Variants in CDH12 observed in about 807,000 individuals in gnomAD.
CDH12 encodes the protein cadherin-12.
CDH12 carries 41 observed loss-of-function variants against 74.1 expected under a neutral mutation model. The observed-to-expected ratio is 0.55, with a 90% confidence interval of 0.43 to 0.72. The LOEUF (loss-of-function observed/expected upper bound fraction) is 0.72, where lower values mean the gene tolerates loss of function less well. Among genes scored for constraint, CDH12 ranks in the 30% least tolerant of loss-of-function variants. The pLI is 0.00. For missense variants in CDH12, 945 were observed against 977.2 expected, an observed-to-expected ratio of 0.97 and a Z score of 0.44; for synonymous variants, 399 against 355.0, an observed-to-expected ratio of 1.12 and a Z score of -1.39.
chr5:22,156,165 T>C (rs1031387696), intron 4 of CDH12, among the ~76,000 whole-genome samples: 2 of 152,176 alleles, frequency 1.3e-5, no homozygotes, highest in African/African-American at 4.8e-5. Flanking sequence ...CTAGGAATTG[T>C]GCATGAGCAC....
At chr5:22,471,017 G>A (rs72744866) in intron 2 of CDH12, among the ~76,000 whole-genome samples, 10,894 of 152,126 alleles carry the variant, frequency 0.072, 484 homozygotes, top group South Asian at 0.13. Flanking sequence ...CTGGAATCCA[G>A]CTAGATTTCT....
At chr5:22,149,781 G>A (rs1747445072) in intron 4 of CDH12, among the ~76,000 whole-genome samples, 1 of 151,984 alleles carries the variant, frequency 6.6e-6, no homozygotes, top group Non-Finnish European at 1.5e-5. Flanking sequence ...TGGATCACAA[G>A]GTCAGGAGTT....
At chr5:22,409,895 T>C (rs1743106304) in intron 2 of CDH12, among the ~76,000 whole-genome samples, 2 of 152,134 alleles carry the variant, frequency 1.3e-5, no homozygotes, top group Non-Finnish European at 2.9e-5. Flanking sequence ...ATTAGTGTTA[T>C]TTATTTACAG....
chr5:22,120,580 G>C (rs1745451127), intron 4 of CDH12, among the ~76,000 whole-genome samples: 1 of 151,992 alleles, frequency 6.6e-6, no homozygotes, highest in Non-Finnish European at 1.5e-5. Context: ...TATTTAACTT[G>C]TTCTTTAATA....
chr5:22,264,593 G>A (rs1441234253), intron 3 of CDH12, among the ~76,000 whole-genome samples: 1 of 152,122 alleles, frequency 6.6e-6, no homozygotes, highest in Non-Finnish European at 1.5e-5. Flanking sequence ...AGGTTGTTGT[G>A]AGGAGATATG....
Position 22,758,992 on chromosome 5 carries a change from T to C in CDH12, c.-523+94066A>G, listed in dbSNP as rs554681295. Among the ~76,000 whole-genome samples, 8 of 152,344 alleles carry C rather than the reference T, an allele frequency of 5.3e-5. No homozygotes were observed. In the East Asian group the frequency reaches 1.5e-3, roughly 29 times the overall value. Reference sequence around the variant, plus strand: ...TTGCTCAAAGCAGATATTGTCTATTTTTTTTGTCTATTAAGAAAATAACAA... The same window carrying C: ...TTGCTCAAAGCAGATATTGTCTATTCTTTTTGTCTATTAAGAAAATAACAA... On this transcript the variant is annotated intron_variant, in intron 1 of 14. Transcript: ENST00000382254.
chr5:22,125,920 T>C (rs1230087539), intron 4 of CDH12, among the ~76,000 whole-genome samples: 1 of 151,308 alleles, frequency 6.6e-6, no homozygotes, highest in East Asian at 1.9e-4. Context: ...TTGTGAAATT[T>C]AAGGGGAAAA....
intron 9 of CDH12, among the ~76,000 whole-genome samples, chr5:21,804,909 GAT>G: frequency 6.6e-6 from 1 of 152,274 alleles, no homozygotes. Flanking sequence ...TGATGTGTAA[GAT>G]AGAAGCGTGC....
intron 10 of CDH12, among the ~76,000 whole-genome samples, chr5:21,799,188 A>T (rs546256841): frequency 2.0e-5 from 3 of 152,192 alleles, no homozygotes; most frequent in Non-Finnish European, 4.4e-5. Context: ...GTGGCAAAGA[A>T]GTTAGGTGGA....
At chr5:22,657,901 G>C (rs889578984) in intron 1 of CDH12, among the ~76,000 whole-genome samples, 1 of 152,162 alleles carries the variant, frequency 6.6e-6, no homozygotes, top group Non-Finnish European at 1.5e-5. Context: ...ATTTAAAAGA[G>C]AGGACATTGA....
chr5:22,598,597 A>C (rs1736710028), intron 1 of CDH12, among the ~76,000 whole-genome samples: 1 of 152,170 alleles, frequency 6.6e-6, no homozygotes, highest in African/African-American at 2.4e-5. Flanking sequence ...AAACTAATAC[A>C]CATATGTTGC....
chr5:21,751,947 A>C lies in CDH12; in HGVS notation c.2175T>G (p.Asp725Glu). 1 of 1,613,020 alleles carries C rather than the reference A, an allele frequency of 6.2e-7. No individual in the cohort carries two copies. Among genetic ancestry groups the C allele is most frequent in the Non-Finnish European group, 8.5e-7 (1 of 1,179,574 alleles). ...DFIHQRLQENDVDPTAPPYDS... is the reference protein window; with the variant it reads ...DFIHQRLQENEVDPTAPPYDS... Reference sequence around the variant, plus strand: ...CGTATGGTGGGGCAGTTGGATCCACATCATTTTCCTGTAGCCTTTGATGAA... The same window carrying C: ...CGTATGGTGGGGCAGTTGGATCCACCTCATTTTCCTGTAGCCTTTGATGAA... Residue 725 changes from aspartate (D) to glutamate (E), a missense_variant, in exon 15 of 15, where the codon GAT becomes GAG. Transcript: ENST00000382254.
At chr5:22,240,048 C>T (rs747840416) in intron 3 of CDH12, among the ~76,000 whole-genome samples, 41 of 152,144 alleles carry the variant, frequency 2.7e-4, no homozygotes, top group African/African-American at 9.2e-4. Flanking sequence ...AATTACTTCC[C>T]CTCATTTTAT....
chr5:22,581,514 C>A (rs116661801), intron 1 of CDH12, among the ~76,000 whole-genome samples: 1 of 152,244 alleles, frequency 6.6e-6, no homozygotes, highest in Non-Finnish European at 1.5e-5. Context: ...CTTTTCTGCA[C>A]TGGCAGGCTC....
chr5:21,979,092 T>G (rs1757195851), intron 5 of CDH12, among the ~76,000 whole-genome samples: 1 of 151,796 alleles, frequency 6.6e-6, no homozygotes, highest in Non-Finnish European at 1.5e-5. Flanking sequence ...ACAGCCTTTT[T>G]AATCTACACA....
intron 4 of CDH12, among the ~76,000 whole-genome samples, chr5:22,085,035 T>C (rs1417269633): frequency 6.6e-6 from 1 of 152,206 alleles, no homozygotes; most frequent in Non-Finnish European, 1.5e-5. Context: ...GTATTCCATA[T>C]ACCTGATTTC....
intron 1 of CDH12, among the ~76,000 whole-genome samples, chr5:22,712,739 A>G (rs962049412): frequency 1.7e-4 from 26 of 152,170 alleles, no homozygotes; most frequent in African/African-American, 5.8e-4. Flanking sequence ...AATAAAGTTT[A>G]TGTTATTTGC....
chr5:22,374,949 A>G (rs1338296560), intron 3 of CDH12, among the ~76,000 whole-genome samples: 1 of 152,140 alleles, frequency 6.6e-6, no homozygotes, highest in Non-Finnish European at 1.5e-5. Context: ...CAGAATTAAA[A>G]AAAATCCTAA....
At chr5:21,961,128 C>A (rs2194186) in intron 6 of CDH12, among the ~76,000 whole-genome samples, 24,531 of 151,894 alleles carry the variant, frequency 0.16, 2,269 homozygotes, top group African/African-American at 0.25. Flanking sequence ...TTATTTTGAG[C>A]CGATGATTAA....
Sources: allele counts gnomAD v4.1 joint callset (sites outside exome capture counted in the v4.1 genomes callset), GRCh38; gene constraint gnomAD v4.1.1; transcripts MANE v1.5; gene names NCBI Gene and HGNC (gene_info 2026-07-23, HGNC 2026-07-21).